Variants in CDH2 observed in about 807,000 individuals in gnomAD.
The protein encoded by CDH2 is cadherin 2.
A neutral mutation model predicts 92.0 loss-of-function variants in CDH2; 17 were observed. The observed-to-expected ratio is 0.18, with a 90% CI of 0.13 to 0.28. The LOEUF (loss-of-function observed/expected upper bound fraction) is 0.28. Ranked by LOEUF, CDH2 falls within the 10% of genes least tolerant of loss-of-function variation. The pLI is 1.00. For synonymous variants in CDH2, 419 were observed against 415.9 expected, an observed-to-expected ratio of 1.01 and a Z score of -0.09; for missense variants, 862 against 1,133.1, an observed-to-expected ratio of 0.76 and a Z score of 3.44.
chr18:28,014,390 T>A (rs1181402981), intron 2 of CDH2, among the ~76,000 whole-genome samples: 1 of 152,170 alleles, frequency 6.6e-6, no homozygotes, highest in African/African-American at 2.4e-5. Flanking sequence ...ATGTTCTTAG[T>A]TATCCTGCAT....
intron 14 of CDH2, among the ~76,000 whole-genome samples, chr18:27,978,611 T>TG (rs35742329): frequency 0.035 from 5,083 of 146,268 alleles, 265 homozygotes; most frequent in African/African-American, 0.12. Context: ...TATATGTAGT[T>TG]GGGGGGGGGG....
intron 2 of CDH2, among the ~76,000 whole-genome samples, chr18:28,095,079 A>G (rs1395751469): frequency 2.0e-5 from 3 of 152,154 alleles, no homozygotes; most frequent in African/African-American, 7.2e-5. Context: ...CTCTAAAATC[A>G]GTTTTCACAC....
chr18:28,175,104 CAATA>C (rs140150767), intron 1 of CDH2, among the ~76,000 whole-genome samples: 4,596 of 152,154 alleles, frequency 0.03, 240 homozygotes, highest in African/African-American at 0.11. Context: ...AAAGAAGAAA[CAATA>C]AATGAAGTGA....
intron 1 of CDH2, among the ~76,000 whole-genome samples, chr18:28,160,495 AG>A (rs920326343): frequency 2.0e-5 from 3 of 152,214 alleles, no homozygotes; most frequent in Non-Finnish European, 1.5e-5. Context: ...CACTTGGGCA[AG>A]GTGGGGACAG....
intron 6 of CDH2, among the ~76,000 whole-genome samples, chr18:27,943,435 ACTCAGACACTCTG>A (rs1909190853): frequency 6.6e-6 from 1 of 152,206 alleles, no homozygotes; most frequent in Non-Finnish European, 1.5e-5. Flanking sequence ...TATTTCATAG[ACTCAGACACTCTG>A]ATGCTAGTGC....
intron 1 of CDH2, chr18:28,168,474 T>C (rs2016417818): frequency 6.5e-6 from 1 of 152,722 alleles, no homozygotes; most frequent in African/African-American, 2.5e-5. Flanking sequence ...GCATTTACTT[T>C]CACCCTGAAG....
At chr18:28,056,649 A>T (rs1331687793) in intron 2 of CDH2, among the ~76,000 whole-genome samples, 1 of 152,126 alleles carries the variant, frequency 6.6e-6, no homozygotes, top group Non-Finnish European at 1.5e-5. Context: ...AAGTGTTTTA[A>T]ACCTTTGATC....
intron 2 of CDH2, among the ~76,000 whole-genome samples, chr18:28,102,830 C>T (rs2015248805): frequency 6.6e-6 from 1 of 151,358 alleles, no homozygotes; most frequent in Non-Finnish European, 1.5e-5. Context: ...AAATATAAAG[C>T]ATAAAAATAG....
At chr18:28,149,921 A>G (rs893766601) in intron 1 of CDH2, among the ~76,000 whole-genome samples, 3 of 152,230 alleles carry the variant, frequency 2.0e-5, no homozygotes, top group Non-Finnish European at 4.4e-5. Context: ...CAATTGAGAA[A>G]TAAGAAGTGA....
intron 15 of CDH2, among the ~76,000 whole-genome samples, chr18:27,957,903 G>A (rs753422849): frequency 1.2e-4 from 19 of 152,086 alleles, no homozygotes; most frequent in Non-Finnish European, 2.6e-4. Flanking sequence ...CAGAAGGAGT[G>A]GATTTTAATT....
chr18:28,018,494 C>A (rs764801791), intron 2 of CDH2, among the ~76,000 whole-genome samples: 2 of 152,046 alleles, frequency 1.3e-5, no homozygotes, highest in African/African-American at 4.8e-5. Context: ...TCAAACTATA[C>A]TATAAGTCCA....
At chr18:28,043,128 A>G (rs553528516) in intron 2 of CDH2, among the ~76,000 whole-genome samples, 1 of 152,296 alleles carries the variant, frequency 6.6e-6, no homozygotes, top group East Asian at 1.9e-4. Context: ...ATAAAACGGA[A>G]CAAAATAATG....
At chr18:27,964,519 A>G (rs2011489496) in intron 14 of CDH2, among the ~76,000 whole-genome samples, 2 of 152,212 alleles carry the variant, frequency 1.3e-5, no homozygotes, top group South Asian at 4.1e-4. Flanking sequence ...CAGCAAGCAT[A>G]GATGTAGTTA....
chr18:28,115,060 G>A (rs1006355674), intron 2 of CDH2, among the ~76,000 whole-genome samples: 1 of 152,146 alleles, frequency 6.6e-6, no homozygotes, highest in Non-Finnish European at 1.5e-5. Context: ...AGAGGGAGGA[G>A]AACGTTTCTT....
chr18:27,936,276 GCAGA>G (rs1909017744), intron 6 of CDH2, among the ~76,000 whole-genome samples: 1 of 152,096 alleles, frequency 6.6e-6, no homozygotes, highest in South Asian at 2.1e-4. Context: ...AAATAGACAA[GCAGA>G]CATTGTTATA....
At chr18:27,998,098 T>G (rs966561867) in intron 7 of CDH2, among the ~76,000 whole-genome samples, 3 of 152,098 alleles carry the variant, frequency 2.0e-5, no homozygotes, top group East Asian at 1.9e-4. Flanking sequence ...GAGCCACCAC[T>G]CCTGGCCAAC....
At chr18:28,160,556 G>C (rs1325407979) in intron 1 of CDH2, among the ~76,000 whole-genome samples, 1 of 152,210 alleles carries the variant, frequency 6.6e-6, no homozygotes, top group Admixed American at 6.5e-5. Context: ...CCTCCACCAA[G>C]TGGTCTGGAT....
At chr18:27,998,507 C>G (rs907669257) in intron 7 of CDH2, among the ~76,000 whole-genome samples, 7 of 152,182 alleles carry the variant, frequency 4.6e-5, no homozygotes, top group African/African-American at 1.4e-4. Flanking sequence ...TGAGTGCCCT[C>G]TAAGATGGTA....
At chr18:28,060,568 T>C (rs1423942129) in intron 2 of CDH2, among the ~76,000 whole-genome samples, 1 of 152,232 alleles carries the variant, frequency 6.6e-6, no homozygotes, top group Non-Finnish European at 1.5e-5. Flanking sequence ...ACAGTCATTC[T>C]AGAAAAAGCA....
Sources: gnomAD v4.1 joint callset for allele counts (sites outside exome capture counted in the v4.1 genomes callset) on GRCh38, gnomAD v4.1.1 for gene constraint, MANE v1.5 for transcripts, NCBI Gene and HGNC (gene_info 2026-07-23, HGNC 2026-07-21) for gene names.